FYTTD1: variants seen among roughly 807,000 people sequenced by gnomAD.
The protein encoded by FYTTD1 is forty-two-three domain containing 1.
FYTTD1 carries 22 observed loss-of-function variants against 40.9 expected under a neutral mutation model. The observed-to-expected ratio is 0.54, with a 90% CI of 0.38 to 0.77. The LOEUF is 0.77. FYTTD1 is among the 30% of genes least tolerant of loss of function. The pLI is 0.00. For synonymous variants in FYTTD1, 140 were observed against 137.9 expected (o/e 1.01, Z -0.10); for missense variants, 351 against 392.2 (o/e 0.90, Z 0.89).
At chr3:197,770,289 CT>C in intron 4 of FYTTD1, 45 bp downstream of exon 4, 1 of 1,171,954 alleles carries the variant, frequency 8.5e-7, no homozygotes, top group South Asian at 1.3e-5. Context: ...ATTAAAAACA[CT>C]TCCTGCATTA....
rs1443880161 is a variant in FYTTD1, at chr3:197,783,805, C to T, written c.*1896C>T. ...GGTGTTTTCATTTTCCTGTTCTTAC[C>T]TATTATTGTATAGAGCTATTCATGC... On this transcript the variant is annotated 3_prime_UTR_variant, in exon 9 of 9. Coordinates refer to ENST00000241502, the MANE Select transcript of FYTTD1 (RefSeq NM_032288.7). 1.3e-5 allele frequency: 2 copies of T among 152,406 alleles called. No individual in the cohort carries two copies. Among genetic ancestry groups the T allele is most frequent in the African/African-American group, 4.8e-5 (2 of 41,404 alleles). The allele number at this position is 152,406 out of a possible 1,614,324, so 9.4% of individuals were successfully genotyped here.
rs919884896 is a variant in FYTTD1 at position 197,783,324 on chromosome 3, T to C, written c.*1415T>C. The C allele has an allele frequency of 6.6e-6, 1 of 152,638 alleles. No individual in the cohort carries two copies. The highest frequency in any genetic ancestry group is 1.5e-5 in the Non-Finnish European group (1 of 68,038). 9.5% of individuals were successfully genotyped at this position (152,638 alleles called of 1,614,324 possible). On this transcript the variant is annotated 3_prime_UTR_variant, in exon 9 of 9. Transcript: ENST00000241502. ...AGGTGTTAGTTTCTCAGGAGTAGAT[T>C]GTTAGTGTTGACTTTTCCTGTAAAG...
chr3:197,764,023 G>A (rs2109043494), intron 2 of FYTTD1, among the ~76,000 whole-genome samples: 1 of 152,288 alleles, frequency 6.6e-6, no homozygotes, highest in Non-Finnish European at 1.5e-5. Context: ...TAAGCTCCAT[G>A]GATGATTCTG....
In FYTTD1 at chr3:197,787,304, A is replaced by G. The variant is rs1015871487; in HGVS notation, c.*5395A>G. ...TTTTGTACTAAGACGAGGTTTCACC[A>G]TATTGGCCAGTCTAGTCTCAAACTC... On this transcript the variant is annotated 3_prime_UTR_variant, in exon 9 of 9. Coordinates refer to ENST00000241502, the MANE Select transcript of FYTTD1 (RefSeq NM_032288.7). 8.6e-5 allele frequency: 13 copies of G among 151,706 alleles called. No homozygotes were observed. The highest frequency in any genetic ancestry group is 1.8e-4 in the Non-Finnish European group (12 of 67,970). 9.4% of individuals were successfully genotyped at this position (151,706 alleles called of 1,614,324 possible). A position where few individuals can be genotyped will look rare whatever the true frequency, so the allele number is the denominator to read the frequency against.
intron 4 of FYTTD1, among the ~76,000 whole-genome samples, chr3:197,772,505 A>G (rs1010634842): frequency 2.0e-5 from 3 of 152,248 alleles, no homozygotes; most frequent in South Asian, 2.1e-4. Flanking sequence ...TTGCACGTTC[A>G]GCACGTGTCT....
intron 8 of FYTTD1, among the ~76,000 whole-genome samples, chr3:197,779,172 T>G (rs370344935): frequency 2.0e-5 from 3 of 152,218 alleles, no homozygotes; most frequent in Non-Finnish European, 4.4e-5. Flanking sequence ...CCCAGCACTT[T>G]GGGAGGCCGA....
chr3:197,749,951 C>G lies in FYTTD1; in HGVS notation c.-21C>G, dbSNP rs751106503. On this transcript the variant is annotated 5_prime_UTR_variant, in exon 1 of 9. Transcript: ENST00000241502. ...GACTCCGGCCTTGTCCGCGCCCGCT[C>G]TCGGCGCGACGTCTCCAGCCATGAA... The G allele has an allele frequency of 4.9e-5, 75 of 1,532,868 alleles. No homozygotes were observed. The highest frequency in any genetic ancestry group is 9.4e-5 in the South Asian group (8 of 84,840). The allele number at this position is 1,532,868 out of a possible 1,614,324, so 95.0% of individuals were successfully genotyped here. A position where few individuals can be genotyped will look rare whatever the true frequency, so the allele number is the denominator to read the frequency against.
chr3:197,763,821 A>C (rs1420724944), intron 2 of FYTTD1, among the ~76,000 whole-genome samples: 2 of 152,220 alleles, frequency 1.3e-5, no homozygotes, highest in African/African-American at 4.8e-5. Context: ...ATTGGGACAT[A>C]TGATGTATGT....
At chr3:197,779,751 C>T (rs1560501666) in intron 8 of FYTTD1, among the ~76,000 whole-genome samples, 2 of 150,518 alleles carry the variant, frequency 1.3e-5, no homozygotes, top group East Asian at 2.0e-4. Context: ...CACACCACAC[C>T]TGGGGATACA....
In FYTTD1 at chr3:197,784,109, T is replaced by A. The variant is rs921088129; in HGVS notation, c.*2200T>A. 1 of 152,742 alleles carries A rather than the reference T, an allele frequency of 6.5e-6. No homozygotes were observed. Among genetic ancestry groups the A allele is most frequent in the East Asian group, 1.9e-4 (1 of 5,184 alleles). The allele number at this position is 152,742 out of a possible 1,614,324, so 9.5% of individuals were successfully genotyped here. Reference sequence around the variant, plus strand: ...GTTTCGGTTTTTTTTAAAAACAGGATGCAACTTAAACTTTTCTTTGCATCA... The same window carrying A: ...GTTTCGGTTTTTTTTAAAAACAGGAAGCAACTTAAACTTTTCTTTGCATCA... On this transcript the variant is annotated 3_prime_UTR_variant, in exon 9 of 9. Coordinates refer to ENST00000241502, the MANE Select transcript of FYTTD1 (RefSeq NM_032288.7).
rs1169181577 is a variant in FYTTD1 at position 197,782,795 on chromosome 3, A to G, written c.*886A>G. ...AATTATTCAAATGATATTTAGAAGA[A>G]TTATAACTATTACATTGAATGGAGT... On this transcript the variant is annotated 3_prime_UTR_variant, in exon 9 of 9. Coordinates refer to ENST00000241502, the MANE Select transcript of FYTTD1 (RefSeq NM_032288.7). The G allele has an allele frequency of 6.6e-6, 1 of 152,300 alleles. No homozygotes were observed. The highest frequency in any genetic ancestry group is 1.5e-5 in the Non-Finnish European group (1 of 68,030). 9.4% of individuals were successfully genotyped at this position (152,300 alleles called of 1,614,324 possible). A position where few individuals can be genotyped will look rare whatever the true frequency, so the allele number is the denominator to read the frequency against.
intron 1 of FYTTD1, chr3:197,750,430 C>T (rs2109031451): frequency 2.0e-6 from 2 of 1,020,510 alleles, no homozygotes; most frequent in South Asian, 4.6e-5. Context: ...GAAAGATCTG[C>T]CGGTTTCCCC....
rs1730178311 is a variant in FYTTD1, at chr3:197,787,470, C to T, written c.*5561C>T. On this transcript the variant is annotated 3_prime_UTR_variant, in exon 9 of 9. Transcript: ENST00000241502. ...ACTGAGTAGAAGGGGGAAGGGAGGA[C>T]ATAACCTTTGCATGATATAGTGAAA... is the stretch of plus-strand genomic sequence containing the variant. The T allele has an allele frequency of 6.6e-6, 1 of 152,158 alleles. No homozygotes were observed. The allele number at this position is 152,158 out of a possible 1,614,324, so 9.4% of individuals were successfully genotyped here. A position where few individuals can be genotyped will look rare whatever the true frequency, so the allele number is the denominator to read the frequency against.
intron 7 of FYTTD1, among the ~76,000 whole-genome samples, chr3:197,777,827 G>T (rs1362699124): frequency 6.6e-6 from 1 of 151,996 alleles, no homozygotes; most frequent in Non-Finnish European, 1.5e-5. Context: ...TAATTCTCCT[G>T]CCTCAGCCTC....
intron 2 of FYTTD1, among the ~76,000 whole-genome samples, chr3:197,759,022 A>C (rs1410219000): frequency 6.6e-6 from 1 of 152,270 alleles, no homozygotes; most frequent in Non-Finnish European, 1.5e-5. Flanking sequence ...GTTGTTCTTC[A>C]GTGGTAGAAT....
At chr3:197,773,818 C>T (rs998000357) in intron 5 of FYTTD1, among the ~76,000 whole-genome samples, 1 of 144,740 alleles carries the variant, frequency 6.9e-6, no homozygotes, top group Non-Finnish European at 1.5e-5. Context: ...CGCACACACC[C>T]CACTGGGTTA....
intron 3 of FYTTD1, among the ~76,000 whole-genome samples, chr3:197,769,262 A>G (rs1729641592): frequency 6.7e-6 from 1 of 149,028 alleles, no homozygotes; most frequent in African/African-American, 2.5e-5. Context: ...TAATTTTTGT[A>G]TTTTTAGTAG....
chr3:197,753,986 C>G (rs940810589), intron 1 of FYTTD1, among the ~76,000 whole-genome samples: 5 of 152,140 alleles, frequency 3.3e-5, no homozygotes, highest in African/African-American at 1.2e-4. Flanking sequence ...ATGATCCGCC[C>G]ACTTCGGCCT....
At position 197,787,165 on chromosome 3, in the gene FYTTD1, T is replaced by C. The variant is rs1343838279; in HGVS notation, c.*5256T>C. The C allele has an allele frequency of 7.2e-6, 1 of 137,994 alleles. No individual in the cohort carries two copies. The highest frequency in any genetic ancestry group is 1.5e-5 in the Non-Finnish European group (1 of 66,086). 8.5% of individuals were successfully genotyped at this position (137,994 alleles called of 1,614,324 possible). A position where few individuals can be genotyped will look rare whatever the true frequency, so the allele number is the denominator to read the frequency against. On this transcript the variant is annotated 3_prime_UTR_variant, in exon 9 of 9. Transcript: ENST00000241502. Reference sequence around the variant, plus strand: ...TCTTGCTCTGTTGCCCAGGCTGGAGTGCAGTAGTGATCTTGGCTCACTGCA... The same window carrying C: ...TCTTGCTCTGTTGCCCAGGCTGGAGCGCAGTAGTGATCTTGGCTCACTGCA...
Sources: allele counts gnomAD v4.1 joint callset (sites outside exome capture counted in the v4.1 genomes callset), GRCh38; gene constraint gnomAD v4.1.1; transcripts MANE v1.5; gene names NCBI Gene and HGNC (gene_info 2026-07-23, HGNC 2026-07-21).